MTA3: variants seen among roughly 807,000 people sequenced by gnomAD.
The protein encoded by MTA3 is metastasis associated 1 family member 3.
A neutral mutation model predicts 83.5 loss-of-function variants in MTA3; 34 were observed. The observed-to-expected ratio is 0.41, with a 90% CI of 0.31 to 0.54. The LOEUF (loss-of-function observed/expected upper bound fraction) is 0.54, where lower values mean the gene tolerates loss of function less well. MTA3 is among the 20% of genes least tolerant of loss of function. The pLI, the probability that MTA3 is intolerant of heterozygous loss-of-function variation, is 0.33. For synonymous variants in MTA3, 303 were observed against 252.7 expected (o/e 1.20, Z -1.89); for missense variants, 761 against 726.4 (o/e 1.05, Z -0.55).
intron 16 of MTA3, among the ~76,000 whole-genome samples, chr2:42,727,910 T>TG (rs774906219): frequency 3.9e-5 from 6 of 152,218 alleles, no homozygotes; most frequent in Non-Finnish European, 7.3e-5. Context: ...TGAGGGTAAA[T>TG]GGGTTATCCA....
intron 6 of MTA3, among the ~76,000 whole-genome samples, chr2:42,654,353 G>A (rs1057214551): frequency 1.3e-5 from 2 of 152,156 alleles, no homozygotes; most frequent in Non-Finnish European, 2.9e-5. Flanking sequence ...GGGAATGGTT[G>A]GCTTCAGAGT....
At chr2:42,703,313 A>G (rs1241231772) in intron 11 of MTA3, 4 of 152,188 alleles carry the variant, frequency 2.6e-5, no homozygotes, top group Admixed American at 2.6e-4. Flanking sequence ...ATTTCTGATA[A>G]AATTTCAGAT....
At chr2:42,609,385 A>G in intron 3 of MTA3, 73 bp from the exon 4 acceptor site, 3 of 1,440,220 alleles carry the variant, frequency 2.1e-6, no homozygotes, top group South Asian at 2.5e-5. Flanking sequence ...TAAAATGTTG[A>G]TTTGATCTGT....
At chr2:42,737,835 C>CACCTCAG (rs2104575656) in intron 16 of MTA3, among the ~76,000 whole-genome samples, 1 of 152,196 alleles carries the variant, frequency 6.6e-6, no homozygotes, top group South Asian at 2.1e-4. Flanking sequence ...AATACAGGCC[C>CACCTCAG]AGATTTGTAT....
chr2:42,744,568 A>G (rs562971605), intron 16 of MTA3, among the ~76,000 whole-genome samples: 21 of 152,200 alleles, frequency 1.4e-4, no homozygotes, highest in Non-Finnish European at 2.9e-4. Flanking sequence ...GACCCATAGA[A>G]GGTGACCTCT....
intron 9 of MTA3, 116 bp from the exon 10 acceptor site, chr2:42,695,634 CAAAAAAAAAAAAAAA>C (rs70963347): frequency 3.8e-5 from 5 of 130,792 alleles, no homozygotes; most frequent in Middle Eastern, 2.9e-3. Context: ...CAGTCTATCT[CAAAAAAAAAAAAAAA>C]AAAAAAAAAA....
chr2:42,644,312 T>TC, intron 6 of MTA3, 68 bp downstream of exon 6: 1 of 1,008,122 alleles, frequency 9.9e-7, no homozygotes, highest in South Asian at 1.5e-5. Context: ...ATACATGTCC[T>TC]CATGTAGAAG....
chr2:42,753,695 G>T lies in MTA3; in HGVS notation c.*296G>T. On this transcript the variant is annotated 3_prime_UTR_variant, in exon 17 of 17. Coordinates refer to ENST00000405094, the MANE Select transcript of MTA3 (RefSeq NM_001330442.2). ...GGAACCCCTCCACCTCCTCCCTTCTGCAGCGCCCTGCGCCCCACCCAGCAA... is the reference window on the plus strand; with the variant it reads ...GGAACCCCTCCACCTCCTCCCTTCTTCAGCGCCCTGCGCCCCACCCAGCAA... 8.0e-7 allele frequency: 1 copy of T among 1,244,168 alleles called. No homozygotes were observed. The highest frequency in any genetic ancestry group is 1.0e-6 in the Non-Finnish European group (1 of 983,188). The allele number at this position is 1,244,168 out of a possible 1,614,324, so 77.1% of individuals were successfully genotyped here.
At chr2:42,714,585 A>G (rs544380545) in intron 14 of MTA3, among the ~76,000 whole-genome samples, 1 of 152,320 alleles carries the variant, frequency 6.6e-6, no homozygotes, top group African/African-American at 2.4e-5. Context: ...AAAAATAACC[A>G]TGAGTTTCAA....
intron 3 of MTA3, among the ~76,000 whole-genome samples, chr2:42,599,400 C>G (rs1431127767): frequency 1.3e-5 from 2 of 152,018 alleles, no homozygotes; most frequent in Non-Finnish European, 2.9e-5. Flanking sequence ...CGAGACCATC[C>G]TAGCTAACAC....
At chr2:42,622,882 T>C (rs1685718308) in intron 4 of MTA3, among the ~76,000 whole-genome samples, 1 of 152,194 alleles carries the variant, frequency 6.6e-6, no homozygotes, top group Admixed American at 6.5e-5. Context: ...CTTACGTTGC[T>C]TATATCATTA....
chr2:42,736,737 C>T (rs1478085444), intron 16 of MTA3, among the ~76,000 whole-genome samples: 1 of 152,222 alleles, frequency 6.6e-6, no homozygotes, highest in Non-Finnish European at 1.5e-5. Flanking sequence ...TGGGTCACAT[C>T]TGAAGCCAGC....
At chr2:42,664,466 CT>C (rs35633597) in intron 8 of MTA3, among the ~76,000 whole-genome samples, 39,766 of 85,516 alleles carry the variant, frequency 0.47, 15,890 homozygotes, top group South Asian at 0.56. Context: ...CCCCGCTTAC[CT>C]TTTTTTTTTT....
Position 42,708,200 on chromosome 2 carries a change from G to A in MTA3, c.1302+146G>A, listed in dbSNP as rs566785194. On this transcript the variant is annotated intron_variant, in intron 13 of 16. Transcript: ENST00000405094. ...CGTAGCACTACAATATTCAGGGTAG[G>A]TGTGGAGAGAAGCAGAGAGAAATTA... The A allele has an allele frequency of 1.8e-5, 15 of 828,306 alleles. No individual in the cohort carries two copies. In the Admixed American group the frequency reaches 1.8e-4, roughly 10 times the overall value. 51.3% of individuals were successfully genotyped at this position (828,306 alleles called of 1,614,324 possible).
intron 16 of MTA3, among the ~76,000 whole-genome samples, chr2:42,733,922 A>C (rs748752096): frequency 1.3e-5 from 2 of 152,208 alleles, no homozygotes; most frequent in Non-Finnish European, 2.9e-5. Context: ...TTTTATATAA[A>C]TTTTTAAAGA....
intron 4 of MTA3, among the ~76,000 whole-genome samples, chr2:42,617,707 C>T (rs977920335): frequency 2.6e-5 from 4 of 151,616 alleles, no homozygotes; most frequent in South Asian, 2.1e-4. Flanking sequence ...ACCCGGGAGG[C>T]GGACGTTGCA....
chr2:42,708,291 A>G (rs554859612), intron 13 of MTA3, among the ~76,000 whole-genome samples: 23 of 152,370 alleles, frequency 1.5e-4, no homozygotes, highest in South Asian at 6.2e-4. Flanking sequence ...AGATGTTAGC[A>G]TAAGTAGAGA....
intron 16 of MTA3, among the ~76,000 whole-genome samples, chr2:42,734,605 G>A (rs553238430): frequency 1.1e-3 from 157 of 148,642 alleles, no homozygotes; most frequent in Non-Finnish European, 1.9e-3. Context: ...TTGTTTTCTC[G>A]TTATTTTGTG....
intron 9 of MTA3, among the ~76,000 whole-genome samples, chr2:42,690,594 TTTTC>T (rs1692787351): frequency 6.6e-6 from 1 of 151,418 alleles, no homozygotes; most frequent in South Asian, 2.1e-4. Flanking sequence ...TTAAACATTT[TTTTC>T]TTTTTTTAAT....
Sources: allele counts gnomAD v4.1 joint callset (sites outside exome capture counted in the v4.1 genomes callset), GRCh38; gene constraint gnomAD v4.1.1; transcripts MANE v1.5; gene names NCBI Gene and HGNC (gene_info 2026-07-23, HGNC 2026-07-21).